EDIL3: variants seen among roughly 807,000 people sequenced by gnomAD.
The protein encoded by EDIL3 is EGF like and discoidin domains 3, also known as EGF-like repeat and discoidin I-like domain-containing protein 3.
Under a neutral mutation model 67.4 loss-of-function variants are expected in EDIL3, and 37 were observed. The observed-to-expected ratio is 0.55, with a 90% CI of 0.42 to 0.72. The LOEUF (loss-of-function observed/expected upper bound fraction) is 0.72. Among genes scored for constraint, EDIL3 ranks in the 30% least tolerant of loss-of-function variants. EDIL3 has a pLI of 0.00. For synonymous variants in EDIL3, 195 were observed against 196.3 expected, an observed-to-expected ratio of 0.99 and a Z score of 0.05; for missense variants, 527 against 586.3, an observed-to-expected ratio of 0.90 and a Z score of 1.04.
At chr5:84,231,528 A>T (rs2112045199) in intron 2 of EDIL3, among the ~76,000 whole-genome samples, 1 of 152,242 alleles carries the variant, frequency 6.6e-6, no homozygotes, top group East Asian at 1.9e-4. Flanking sequence ...TCAAGGTATC[A>T]CTGTGTAGCC....
At chr5:84,276,395 T>A (rs988564067) in intron 1 of EDIL3, among the ~76,000 whole-genome samples, 1 of 152,214 alleles carries the variant, frequency 6.6e-6, no homozygotes, top group Non-Finnish European at 1.5e-5. Context: ...CTTTCAGAAT[T>A]GTCAGCTCTG....
At chr5:84,319,058 A>C (rs1425804101) in intron 1 of EDIL3, among the ~76,000 whole-genome samples, 1 of 152,236 alleles carries the variant, frequency 6.6e-6, no homozygotes, top group Non-Finnish European at 1.5e-5. Context: ...AGAAATGCTC[A>C]TCATCACTGG....
At chr5:83,971,052 A>T in intron 9 of EDIL3, among the ~76,000 whole-genome samples, 1 of 150,658 alleles carries the variant, frequency 6.6e-6, no homozygotes. Context: ...CATCCTTTTC[A>T]TTTATTTATT....
intron 9 of EDIL3, among the ~76,000 whole-genome samples, chr5:84,051,786 C>A (rs1268231545): frequency 6.6e-6 from 1 of 152,130 alleles, no homozygotes; most frequent in African/African-American, 2.4e-5. Flanking sequence ...ACGAACAAAG[C>A]CTCCAAGAAA....
intron 9 of EDIL3, among the ~76,000 whole-genome samples, chr5:83,985,904 AC>A (rs1271186415): frequency 6.6e-6 from 1 of 152,012 alleles, no homozygotes; most frequent in African/African-American, 2.4e-5. Flanking sequence ...TCAAGTTCCA[AC>A]TTGCTTTGGG....
intron 1 of EDIL3, among the ~76,000 whole-genome samples, chr5:84,380,832 C>T (rs1748060842): frequency 6.6e-6 from 1 of 151,924 alleles, no homozygotes; most frequent in Non-Finnish European, 1.5e-5. Flanking sequence ...AGTGACCATG[C>T]TACTTTATTT....
intron 5 of EDIL3, among the ~76,000 whole-genome samples, chr5:84,108,965 G>C (rs899776239): frequency 3.3e-5 from 5 of 152,160 alleles, no homozygotes; most frequent in African/African-American, 1.2e-4. Flanking sequence ...CACAGAATTT[G>C]TAACTATTTT....
Position 84,007,597 on chromosome 5 carries a change from A to C in EDIL3, c.1138-44237T>G, listed in dbSNP as rs143105067. On this transcript the variant is annotated intron_variant, in intron 9 of 10. Transcript: ENST00000296591. ...TTAGATATCATGTCATTCCAGTTAA[A>C]ATGGCTTTTATCTAAAAGACCAGCA... Among the ~76,000 whole-genome samples, 1,519 of 152,294 alleles carry C rather than the reference A, an allele frequency of 1.0e-2. 16 individuals carry two copies. The highest frequency in any genetic ancestry group is 0.025 in the African/African-American group (1,028 of 41,574).
intron 6 of EDIL3, among the ~76,000 whole-genome samples, chr5:84,088,719 TG>T (rs1430075892): frequency 6.6e-6 from 1 of 151,952 alleles, no homozygotes; most frequent in East Asian, 1.9e-4. Flanking sequence ...AGGCTATTTG[TG>T]GGGGGAAAAA....
intron 2 of EDIL3, among the ~76,000 whole-genome samples, chr5:84,241,559 AG>A (rs1233163296): frequency 6.6e-6 from 1 of 152,146 alleles, no homozygotes; most frequent in Non-Finnish European, 1.5e-5. Flanking sequence ...AATAAAAAAT[AG>A]GGCTCTCTTT....
chr5:83,948,061 T>C (rs1744345039), intron 10 of EDIL3, among the ~76,000 whole-genome samples: 1 of 151,844 alleles, frequency 6.6e-6, no homozygotes, highest in Non-Finnish European at 1.5e-5. Flanking sequence ...TTGTTGTAGA[T>C]GCAATATTTC....
chr5:84,276,996 G>A (rs1015868076), intron 1 of EDIL3, among the ~76,000 whole-genome samples: 5 of 151,964 alleles, frequency 3.3e-5, no homozygotes, highest in African/African-American at 4.8e-5. Context: ...AACATATTAC[G>A]CATAATAATC....
rs142114924 is a variant in EDIL3 at position 84,180,119 on chromosome 5, G to A, written c.355+274C>T. ...TGAAAGAGACAGATATCAGTTTAAT[G>A]TAAAGTGCATCTTTTGGCAAGGATA... On this transcript the variant is annotated intron_variant, in intron 4 of 10. Transcript: ENST00000296591. 4.5e-4 allele frequency among the ~76,000 whole-genome samples: 68 copies of A among 152,046 alleles called. No individual in the cohort carries two copies. In the East Asian group the frequency reaches 8.9e-3, roughly 20 times the overall value.
At position 84,163,330 on chromosome 5, in the gene EDIL3, G is replaced by T. The variant is rs557334656; in HGVS notation, c.355+17063C>A. On this transcript the variant is annotated intron_variant, in intron 4 of 10. Coordinates refer to ENST00000296591, the MANE Select transcript of EDIL3 (RefSeq NM_005711.5). ...TCTGAAGAGGAAAGAGAAAGACTAT[G>T]TTCTCAGACAAAAATGTCACTTACA... Among the ~76,000 whole-genome samples the T allele has an allele frequency of 2.6e-5, 4 of 152,048 alleles. No homozygotes were observed. The South Asian group carries it at 8.3e-4, about 31-fold the overall frequency.
intron 9 of EDIL3, among the ~76,000 whole-genome samples, chr5:83,977,693 A>T (rs1388069739): frequency 6.6e-6 from 1 of 151,812 alleles, no homozygotes; most frequent in East Asian, 1.9e-4. Context: ...ACTACATTTT[A>T]AATGCATTGG....
In EDIL3 at chr5:84,060,405, G is replaced by A. The variant is rs1746520578; in HGVS notation, c.1032C>T (p.Leu344=). 1 of 1,613,760 alleles carries A rather than the reference G, an allele frequency of 6.2e-7. No individual in the cohort carries two copies. Among genetic ancestry groups the A allele is most frequent in the Non-Finnish European group, 8.5e-7 (1 of 1,179,838 alleles). The change falls in exon 9 of 11, where the codon CTC becomes CTT. Residue 344 remains leucine, a synonymous_variant. Transcript: ENST00000296591. ...QITASSIFRT[L]NMDMFTWEPR... ...GTTCCCAAGTGAACATGTCCATGTT[G>A]AGCGTTCTGAAGATGCTGGAGGCAG... is the stretch of plus-strand genomic sequence containing the variant.
At chr5:83,948,955 C>T (rs1197160162) in intron 10 of EDIL3, among the ~76,000 whole-genome samples, 1 of 151,722 alleles carries the variant, frequency 6.6e-6, no homozygotes, top group Non-Finnish European at 1.5e-5. Context: ...GTACATTCTT[C>T]CGGATGTAAT....
At chr5:84,079,356 T>G (rs1425475830) in intron 6 of EDIL3, among the ~76,000 whole-genome samples, 1 of 152,108 alleles carries the variant, frequency 6.6e-6, no homozygotes, top group Non-Finnish European at 1.5e-5. Context: ...GTCTGAAGTC[T>G]CGTGGAACTG....
rs1440865032 is a variant in EDIL3 at position 84,384,403 on chromosome 5, T to C, written c.-29A>G. Reference sequence around the variant, plus strand: ...CCCGTCTCCCGGACGTGACCCCGGCTGGTCAGGGGTCGTCGCGGAGGGCAG... The same window carrying C: ...CCCGTCTCCCGGACGTGACCCCGGCCGGTCAGGGGTCGTCGCGGAGGGCAG... On this transcript the variant is annotated 5_prime_UTR_variant, in exon 1 of 11. Transcript: ENST00000296591. The C allele has an allele frequency of 6.2e-7, 1 of 1,611,470 alleles. No homozygotes were observed. Among genetic ancestry groups the C allele is most frequent in the East Asian group, 2.2e-5 (1 of 44,658 alleles).
Sources: gnomAD v4.1 joint callset for allele counts (sites outside exome capture counted in the v4.1 genomes callset) on GRCh38, gnomAD v4.1.1 for gene constraint, MANE v1.5 for transcripts, NCBI Gene and HGNC (gene_info 2026-07-23, HGNC 2026-07-21) for gene names.